The following SCLT1 variants were observed in gnomAD, a reference collection of about 807,000 sequenced individuals.
SCLT1 encodes sodium channel and clathrin linker 1, also known as sodium channel-associated protein 1.
SCLT1 carries 78 observed loss-of-function variants against 112.8 expected under a neutral mutation model. The observed-to-expected ratio is 0.69, with a 90% CI of 0.58 to 0.83. The LOEUF (loss-of-function observed/expected upper bound fraction) is 0.83, where lower values mean the gene tolerates loss of function less well. SCLT1 is among the 40% of genes least tolerant of loss of function. The pLI is 0.00. For synonymous variants in SCLT1, 257 were observed against 254.7 expected (o/e 1.01, Z -0.09); for missense variants, 747 against 770.4 (o/e 0.97, Z 0.36).
intron 5 of SCLT1, among the ~76,000 whole-genome samples, chr4:129,023,352 A>G (rs775370578): frequency 2.0e-5 from 3 of 152,206 alleles, no homozygotes; most frequent in Non-Finnish European, 2.9e-5. Flanking sequence ...ACAGACTGGC[A>G]AATAGGATAA....
Position 128,943,116 on chromosome 4 carries a change from C to G in SCLT1, c.1512G>C (p.Glu504Asp), listed in dbSNP as rs199761521. ...KLQNVLESER[E>D]NCGLVSEQRL... ...TTTGTTCACTGACAAGCCCACAGTT[C>G]TCTCTCTCAGACTCCAATACATTTT... Residue 504 changes from glutamate to aspartate, a missense_variant, in exon 17 of 21, where the codon GAG (glutamate) becomes GAC (aspartate). Glu to Asp is a conservative substitution (Grantham distance 45). Around this residue, in one of 2 missense-constraint regions of SCLT1, gnomAD observed 723 missense variants for 721.3 expected, o/e 1.00. Transcript: ENST00000281142. 6.2e-7 allele frequency: 1 copy of G among 1,611,778 alleles called. No individual in the cohort carries two copies. Among genetic ancestry groups the G allele is most frequent in the East Asian group, 2.2e-5 (1 of 44,790 alleles).
chr4:128,924,171 T>A (rs1012348533), intron 18 of SCLT1, among the ~76,000 whole-genome samples: 3 of 152,118 alleles, frequency 2.0e-5, no homozygotes, highest in African/African-American at 7.2e-5. Context: ...ATCAAGTACT[T>A]TGTCAGATAT....
intron 2 of SCLT1, among the ~76,000 whole-genome samples, chr4:129,058,922 C>T (rs1474201608): frequency 6.6e-6 from 1 of 151,932 alleles, no homozygotes; most frequent in Non-Finnish European, 1.5e-5. Context: ...TTTATATGCT[C>T]TGGTGTTGGG....
At chr4:128,929,396 TTATA>T (rs1230849063) in intron 18 of SCLT1, among the ~76,000 whole-genome samples, 19 of 152,308 alleles carry the variant, frequency 1.2e-4, no homozygotes, top group Non-Finnish European at 2.2e-4. Context: ...CTAAATTTAT[TTATA>T]GAGTCAACAG....
At position 128,959,781 on chromosome 4, in the gene SCLT1, G is replaced by T; in HGVS notation, c.870-4C>A. The T allele has an allele frequency of 6.2e-7, 1 of 1,609,192 alleles. No individual in the cohort carries two copies. On this transcript the variant is annotated splice_region_variant and splice_polypyrimidine_tract_variant and intron_variant, in intron 11 of 20. Coordinates refer to ENST00000281142, the MANE Select transcript of SCLT1 (RefSeq NM_144643.4). ...TTCTTGGATTGTCACACATAATCTA[G>T]AAATCAATAATTACACTGGGAAAGT...
rs75479039 is a variant in SCLT1, at chr4:128,890,812, A to T, written c.1908+247T>A. 5.2e-3 allele frequency among the ~76,000 whole-genome samples: 796 copies of T among 152,334 alleles called. 11 individuals carry two copies. Among genetic ancestry groups the T allele is most frequent in the African/African-American group, 0.018 (741 of 41,574 alleles). ...AGGGGATCCTAATACGTTCTCTGAA[A>T]TACTACACAAGTTCTATTGGTAAAA... is the stretch of plus-strand genomic sequence containing the variant. On this transcript the variant is annotated intron_variant, in intron 19 of 20. Coordinates refer to ENST00000281142, the MANE Select transcript of SCLT1 (RefSeq NM_144643.4).
In SCLT1 at chr4:128,965,434, CACTT is replaced by C. The variant is rs951345627; in HGVS notation, c.778-120_778-117del. On this transcript the variant is annotated intron_variant, in intron 10 of 20. Coordinates refer to ENST00000281142, the MANE Select transcript of SCLT1 (RefSeq NM_144643.4). Reference sequence around the variant, plus strand: ...AGTTATTATGCTATTAGCATTCTAACACTTACGTTAAAAGAAACAATATGACTTT... The same window carrying C: ...AGTTATTATGCTATTAGCATTCTAACACGTTAAAAGAAACAATATGACTTT... 1.5e-5 allele frequency: 10 copies of C among 681,168 alleles called. No individual in the cohort carries two copies. In the Admixed American group the frequency reaches 1.5e-4, roughly 10 times the overall value. The allele number at this position is 681,168 out of a possible 1,614,324, so 42.2% of individuals were successfully genotyped here. A position where few individuals can be genotyped will look rare whatever the true frequency, so the allele number is the denominator to read the frequency against.
intron 18 of SCLT1, among the ~76,000 whole-genome samples, chr4:128,902,178 TA>T (rs1318882030): frequency 6.6e-6 from 1 of 152,216 alleles, no homozygotes; most frequent in Admixed American, 6.5e-5. Flanking sequence ...GTGCTGGGAT[TA>T]TAGTTGTGAG....
Position 128,943,048 on chromosome 4 carries a change from G to C in SCLT1, c.1580C>G (p.Thr527Ser). The C allele has an allele frequency of 1.2e-6, 2 of 1,612,844 alleles. No homozygotes were observed. The highest frequency in any genetic ancestry group is 1.7e-6 in the Non-Finnish European group (2 of 1,179,326). The part of the protein sequence containing the change: ...QQENKQLRKE[T>S]ESLRKIALEA... ...CAGGGCAATCTTCCTTAAACTCTCA[G>C]TCTCTTTCCGTAACTGTTTATTTTC... The change falls in exon 17 of 21, where the codon ACT becomes AGT. Residue 527 changes from threonine (T) to serine (S), a missense_variant. Transcript: ENST00000281142.
chr4:128,983,683 C>T (rs1741860911), intron 9 of SCLT1, among the ~76,000 whole-genome samples: 1 of 152,106 alleles, frequency 6.6e-6, no homozygotes, highest in South Asian at 2.1e-4. Context: ...AAAGTTTTAT[C>T]TACTATGACA....
intron 9 of SCLT1, among the ~76,000 whole-genome samples, chr4:128,990,869 A>AAGTATTTTTTTGTT (rs1161741956): frequency 6.6e-6 from 1 of 151,816 alleles, no homozygotes; most frequent in Non-Finnish European, 1.5e-5. Flanking sequence ...AGGAACAAAA[A>AAGTATTTTTTTGTT]ACCAAAGAAG....
intron 18 of SCLT1, among the ~76,000 whole-genome samples, chr4:128,893,056 T>A (rs1733451677): frequency 6.6e-6 from 1 of 152,160 alleles, no homozygotes; most frequent in Non-Finnish European, 1.5e-5. Context: ...GTTACGCATA[T>A]TAGTGCTGAT....
chr4:129,001,937 G>C (rs968343708), intron 6 of SCLT1, among the ~76,000 whole-genome samples: 3 of 151,562 alleles, frequency 2.0e-5, no homozygotes, highest in East Asian at 1.9e-4. Context: ...TCCTAGTCTA[G>C]AACAAACAGC....
Position 128,971,273 on chromosome 4 carries a change from A to G in SCLT1, c.687-805T>C, listed in dbSNP as rs147501270. On this transcript the variant is annotated intron_variant, in intron 9 of 20. Coordinates refer to ENST00000281142, the MANE Select transcript of SCLT1 (RefSeq NM_144643.4). ...TTAATTACATTTTATGTATGTATCT[A>G]AATGTAAATCATATTTGTGCTATAG... The G allele has an allele frequency of 5.9e-5, 9 of 152,328 alleles. No individual in the cohort carries two copies. The East Asian group carries it at 1.7e-3, about 29-fold the overall frequency. The allele number at this position is 152,328 out of a possible 1,614,324, so 9.4% of individuals were successfully genotyped here.
At chr4:129,087,755 TAAAAAA>T (rs71589026) in intron 1 of SCLT1, among the ~76,000 whole-genome samples, 1 of 104,462 alleles carries the variant, frequency 9.6e-6, no homozygotes, top group Non-Finnish European at 1.8e-5. Flanking sequence ...TTGCGCAAGT[TAAAAAA>T]AAAAAAAAAA....
Position 129,052,275 on chromosome 4 carries a change from T to C in SCLT1, c.103-8224A>G, listed in dbSNP as rs757379528. Among the ~76,000 whole-genome samples the C allele has an allele frequency of 4.9e-4, 74 of 152,184 alleles. 1 individual carries two copies. The highest frequency in any genetic ancestry group is 7.4e-5 in the Non-Finnish European group (5 of 68,022). On this transcript the variant is annotated intron_variant, in intron 2 of 20. Coordinates refer to ENST00000281142, the MANE Select transcript of SCLT1 (RefSeq NM_144643.4). ...GGGAGGATACCCTCTTTTTCTATTG[T>C]TTGAAATAGCTTCAGAAGGAATTGT... is the stretch of plus-strand genomic sequence containing the variant.
At chr4:128,901,698 C>A (rs1734317499) in intron 18 of SCLT1, among the ~76,000 whole-genome samples, 1 of 151,710 alleles carries the variant, frequency 6.6e-6, no homozygotes, top group Non-Finnish European at 1.5e-5. Context: ...AAAAAGACTG[C>A]ACCCTTGTCC....
intron 9 of SCLT1, chr4:128,970,696 A>T (rs1740618021): frequency 1.4e-5 from 6 of 432,854 alleles, no homozygotes; most frequent in Middle Eastern, 6.5e-4. Context: ...AGAGGTCATG[A>T]ATGCTGTACT....
At chr4:129,054,268 T>C (rs1390511716) in intron 2 of SCLT1, among the ~76,000 whole-genome samples, 1 of 152,174 alleles carries the variant, frequency 6.6e-6, no homozygotes, top group Non-Finnish European at 1.5e-5. Context: ...TGGTGTTCTC[T>C]GTATTTCCTG....
Sources: gnomAD v4.1 joint callset for allele counts (sites outside exome capture counted in the v4.1 genomes callset) on GRCh38, gnomAD v4.1.1 for gene constraint, gnomAD v4.1.1 regional missense constraint, MANE v1.5 for transcripts, NCBI Gene and HGNC (gene_info 2026-07-23, HGNC 2026-07-21) for gene names.